Variants in CENPF observed in about 807,000 individuals in gnomAD.
The protein encoded by CENPF is centromere protein F.
Under a neutral mutation model 307.3 loss-of-function variants are expected in CENPF, and 214 were observed. That is an observed-to-expected ratio of 0.70 (90% CI 0.62 to 0.78). The LOEUF (loss-of-function observed/expected upper bound fraction) is 0.78. Ranked by LOEUF, CENPF falls within the 30% of genes least tolerant of loss-of-function variation. The probability of loss-of-function intolerance (pLI) is 0.00; values close to 1 mark genes in which losing one functional copy is unlikely to be tolerated. For missense variants in CENPF, 3,401 were observed against 3,483.9 expected, an observed-to-expected ratio of 0.98 and a Z score of 0.60; for synonymous variants, 1,259 against 1,270.6, an observed-to-expected ratio of 0.99 and a Z score of 0.19.
intron 7 of CENPF, among the ~76,000 whole-genome samples, chr1:214,624,023 C>T (rs930477270): frequency 2.1e-5 from 3 of 143,224 alleles, no homozygotes; most frequent in Non-Finnish European, 3.2e-5. Context: ...TTAAGATAAT[C>T]GTAGATTCAT....
intron 11 of CENPF, among the ~76,000 whole-genome samples, chr1:214,639,680 A>G (rs1242989278): frequency 2.0e-5 from 3 of 152,194 alleles, no homozygotes; most frequent in Non-Finnish European, 4.4e-5. Context: ...TTAAGCTGCT[A>G]GAAAGAAGAT....
rs1658104751 is a variant in CENPF at position 214,641,266 on chromosome 1, T to C, written c.2928T>C (p.Asn976=). ...KREIEELTQE[N]GTLKEINASL... ...AAATTGAAGAGCTGACCCAAGAGAA[T>C]GGGACTCTTAAGGAAATTAATGCAT... is the stretch of plus-strand genomic sequence containing the variant. The change falls in exon 12 of 20, where the codon AAT becomes AAC. Residue 976 remains asparagine, a synonymous_variant. Coordinates refer to ENST00000366955, the MANE Select transcript of CENPF (RefSeq NM_016343.4). 6.2e-7 allele frequency: 1 copy of C among 1,602,366 alleles called. No individual in the cohort carries two copies. The highest frequency in any genetic ancestry group is 8.5e-7 in the Non-Finnish European group (1 of 1,177,082).
Position 214,663,630 on chromosome 1 carries a change from A to G in CENPF, c.9181A>G (p.Ile3061Val), listed in dbSNP as rs1443798435. 1 of 1,614,168 alleles carries G rather than the reference A, an allele frequency of 6.2e-7. No homozygotes were observed. Among genetic ancestry groups the G allele is most frequent in the Non-Finnish European group, 8.5e-7 (1 of 1,180,042 alleles). Reference sequence around the variant, plus strand: ...GCGGAGCCCAGTAGATTCAGGCACCATCCTCCGAGAACCCACCACGAAATC... The same window carrying G: ...GCGGAGCCCAGTAGATTCAGGCACCGTCCTCCGAGAACCCACCACGAAATC... ...AQRSPVDSGT[I>V]LREPTTKSVP... Residue 3061 changes from isoleucine (I) to valine (V), a missense_variant, in exon 20 of 20, where the codon ATC (isoleucine) becomes GTC (valine). Coordinates refer to ENST00000366955, the MANE Select transcript of CENPF (RefSeq NM_016343.4).
In CENPF at chr1:214,657,330, C is replaced by T. The variant is rs956722004; in HGVS notation, c.8883C>T (p.Val2961=). ...TTTCTAAAAAAAGCAAGAAAGCAGT[C>T]ATGAGTGGTATTCACCCTGCAGAAG... is the stretch of plus-strand genomic sequence containing the variant. ...ESFSKKSKKA[V]MSGIHPAEDT... is the part of the protein sequence containing the mutation. Residue 2961 remains valine (V), a synonymous_variant, in exon 18 of 20, where the codon GTC becomes GTT. Coordinates refer to ENST00000366955, the MANE Select transcript of CENPF (RefSeq NM_016343.4). The T allele has an allele frequency of 6.2e-7, 1 of 1,613,776 alleles. No individual in the cohort carries two copies. Among genetic ancestry groups the T allele is most frequent in the Non-Finnish European group, 8.5e-7 (1 of 1,180,012 alleles).
intron 7 of CENPF, among the ~76,000 whole-genome samples, chr1:214,628,514 G>A (rs1312163946): frequency 2.6e-5 from 4 of 152,158 alleles, no homozygotes; most frequent in Non-Finnish European, 5.9e-5. Context: ...CACGATCTTG[G>A]CTCACTGCAA....
At chr1:214,634,221 C>G (rs898431614) in intron 10 of CENPF, among the ~76,000 whole-genome samples, 1 of 152,106 alleles carries the variant, frequency 6.6e-6, no homozygotes, top group Non-Finnish European at 1.5e-5. Context: ...TGTCTAGCAC[C>G]GGGCCTGGGG....
chr1:214,641,887 T>C lies in CENPF; in HGVS notation c.3549T>C (p.Ser1183=). 6.3e-7 allele frequency: 1 copy of C among 1,594,612 alleles called. No homozygotes were observed. The highest frequency in any genetic ancestry group is 8.5e-7 in the Non-Finnish European group (1 of 1,174,810). Residue 1183 remains serine (S), a synonymous_variant, in exon 12 of 20, where the codon AGT becomes AGC. Transcript: ENST00000366955. ...GGAACTCTGTGAAAGAAAGAGAGAG[T>C]GAGAGAAATCAATGTAATTTTAAAC... The part of the protein sequence containing the change: ...PIRNSVKERE[S]ERNQCNFKPQ...
chr1:214,649,598 G>T (rs1332422561), intron 14 of CENPF, among the ~76,000 whole-genome samples: 1 of 152,174 alleles, frequency 6.6e-6, no homozygotes, highest in Non-Finnish European at 1.5e-5. Flanking sequence ...GGAGAGATTT[G>T]TTCTTTTCTT....
chr1:214,624,559 C>T (rs1657601200), intron 7 of CENPF, among the ~76,000 whole-genome samples: 1 of 152,066 alleles, frequency 6.6e-6, no homozygotes, highest in Non-Finnish European at 1.5e-5. Flanking sequence ...TCACTGCATT[C>T]TCTTATTCTT....
chr1:214,641,450 G>A lies in CENPF; in HGVS notation c.3112G>A (p.Asp1038Asn), dbSNP rs1329886716. 1.0e-5 allele frequency: 16 copies of A among 1,549,334 alleles called. No individual in the cohort carries two copies. The highest frequency in any genetic ancestry group is 1.4e-5 in the Non-Finnish European group (16 of 1,156,362). ...TGAAGAAACCGGAAATGCATATGAG[G>A]ATCTTAGTCAAAAATACAAAGCAGC... ...RCEETGNAYEDLSQKYKAAQE... is the reference protein window; with the variant it reads ...RCEETGNAYENLSQKYKAAQE... The change falls in exon 12 of 20, where the codon GAT becomes AAT. Residue 1038 changes from aspartate to asparagine, a missense_variant. Transcript: ENST00000366955.
intron 19 of CENPF, among the ~76,000 whole-genome samples, chr1:214,663,014 G>A (rs1177941424): frequency 6.6e-6 from 1 of 152,062 alleles, no homozygotes; most frequent in East Asian, 1.9e-4. Flanking sequence ...AATTTTCTGA[G>A]ATATCTCTTT....
chr1:214,614,759 C>G (rs990970609), intron 2 of CENPF, 73 bp from the exon 3 acceptor site: 9 of 1,023,996 alleles, frequency 8.8e-6, no homozygotes, highest in African/African-American at 1.6e-5. Context: ...CAATGTTAGA[C>G]TCAGGTTTAC....
At position 214,641,791 on chromosome 1, in the gene CENPF, A is replaced by G. The variant is rs139611178; in HGVS notation, c.3453A>G (p.Gln1151=). The G allele has an allele frequency of 5.6e-6, 9 of 1,601,770 alleles. No individual in the cohort carries two copies. The highest frequency in any genetic ancestry group is 6.8e-6 in the Non-Finnish European group (8 of 1,176,982). The change falls in exon 12 of 20, where the codon CAA becomes CAG. Residue 1151 remains glutamine (Q), a synonymous_variant. Transcript: ENST00000366955. ...AAAAGGAAGTTAATGACTTATTACA[A>G]GAGAATGAACAGCTGATGAAGGTAA... The part of the protein sequence containing the change: ...KMQKEVNDLL[Q]ENEQLMKVMK...
At position 214,642,798 on chromosome 1, in the gene CENPF, T is replaced by C; in HGVS notation, c.4460T>C (p.Leu1487Pro). 1 of 1,613,984 alleles carries C rather than the reference T, an allele frequency of 6.2e-7. No individual in the cohort carries two copies. ...SSSCVPDSSS[L>P]SSLGDSSFYR... ...TCTTGTGTGCCTGACAGCTCTAGTCTTAGCAGTTTGGGAGACTCCTCCTTT... is the reference window on the plus strand; with the variant it reads ...TCTTGTGTGCCTGACAGCTCTAGTCCTAGCAGTTTGGGAGACTCCTCCTTT... The change falls in exon 12 of 20, where the codon CTT becomes CCT. Residue 1487 changes from leucine to proline, a missense_variant. Transcript: ENST00000366955.
At position 214,642,263 on chromosome 1, in the gene CENPF, A is replaced by G; in HGVS notation, c.3925A>G (p.Ile1309Val). 2 of 1,613,942 alleles carry G rather than the reference A, an allele frequency of 1.2e-6. No individual in the cohort carries two copies. Among genetic ancestry groups the G allele is most frequent in the Non-Finnish European group, 1.7e-6 (2 of 1,179,950 alleles). Residue 1309 changes from isoleucine (I) to valine (V), a missense_variant, in exon 12 of 20, where the codon ATA (isoleucine) becomes GTA (valine). Coordinates refer to ENST00000366955, the MANE Select transcript of CENPF (RefSeq NM_016343.4). ...GAATGAGCTAGAGAAAATATGTGAA[A>G]TACTGCAGGCTGAAAAGTATGAACT... ...KLNELEKICE[I>V]LQAEKYELVT...
chr1:214,611,028 C>T (rs1410249579), intron 1 of CENPF, among the ~76,000 whole-genome samples: 1 of 152,012 alleles, frequency 6.6e-6, no homozygotes, highest in South Asian at 2.1e-4. Flanking sequence ...TATTATGTTC[C>T]ATTGGTCTAT....
intron 1 of CENPF, chr1:214,608,700 C>T (rs1657109086): frequency 3.8e-6 from 6 of 1,594,270 alleles, no homozygotes; most frequent in Middle Eastern, 4.5e-4. Context: ...CGGCCCCGGC[C>T]CCACCAGGCC....
At chr1:214,656,434 C>T (rs1056730909) in intron 17 of CENPF, among the ~76,000 whole-genome samples, 19 of 152,106 alleles carry the variant, frequency 1.2e-4, no homozygotes, top group African/African-American at 4.6e-4. Context: ...TCCCCCAAAC[C>T]CTTTTTCATC....
intron 3 of CENPF, among the ~76,000 whole-genome samples, chr1:214,616,845 CTTT>C (rs1170619136): frequency 0.054 from 197 of 3,654 alleles, 1 homozygote; most frequent in African/African-American, 0.094. Context: ...CTCTTTCTTT[CTTT>C]CTTTCTTTCT....
Sources: allele counts gnomAD v4.1 joint callset (sites outside exome capture counted in the v4.1 genomes callset), GRCh38; gene constraint gnomAD v4.1.1; transcripts MANE v1.5; gene names NCBI Gene and HGNC (gene_info 2026-07-23, HGNC 2026-07-21).